FSTL5: variants seen among roughly 807,000 people sequenced by gnomAD.
The protein encoded by FSTL5 is follistatin like 5, also known as follistatin-related protein 5.
Under a neutral mutation model 89.1 loss-of-function variants are expected in FSTL5, and 62 were observed. The ratio of observed to expected loss-of-function variants is 0.70; its 90% CI spans 0.57 to 0.86. FSTL5 has a LOEUF of 0.86. FSTL5 is among the 40% of genes least tolerant of loss of function. The pLI, the probability that FSTL5 is intolerant of heterozygous loss-of-function variation, is 0.00. For synonymous variants in FSTL5, 383 were observed against 346.2 expected (o/e 1.11, Z -1.18); for missense variants, 1,057 against 1,001.6 (o/e 1.06, Z -0.75).
At chr4:162,087,641 C>A (rs905164234) in intron 2 of FSTL5, among the ~76,000 whole-genome samples, 2 of 152,090 alleles carry the variant, frequency 1.3e-5, no homozygotes, top group Non-Finnish European at 1.5e-5. Flanking sequence ...GTGTAATAAG[C>A]ACAAGTTAAA....
chr4:161,692,437 G>A (rs956507171), intron 6 of FSTL5, among the ~76,000 whole-genome samples: 18 of 151,138 alleles, frequency 1.2e-4, no homozygotes, highest in African/African-American at 4.4e-4. Context: ...GCCTTTTATG[G>A]GTTAAATTAT....
intron 6 of FSTL5, among the ~76,000 whole-genome samples, chr4:161,659,013 A>G (rs1386782276): frequency 6.6e-6 from 1 of 152,194 alleles, no homozygotes; most frequent in Non-Finnish European, 1.5e-5. Flanking sequence ...GTTATATATT[A>G]CAATGGTAAT....
At chr4:161,675,006 T>C (rs918354281) in intron 6 of FSTL5, among the ~76,000 whole-genome samples, 1 of 152,074 alleles carries the variant, frequency 6.6e-6, no homozygotes, top group Non-Finnish European at 1.5e-5. Context: ...AATTGAGATA[T>C]CAGTTACAAA....
At chr4:161,614,407 C>T (rs1734766908) in intron 7 of FSTL5, among the ~76,000 whole-genome samples, 1 of 152,040 alleles carries the variant, frequency 6.6e-6, no homozygotes, top group Non-Finnish European at 1.5e-5. Context: ...AAATTGCAGT[C>T]AGTAAATCTT....
At chr4:161,991,528 T>G (rs957101000) in intron 3 of FSTL5, among the ~76,000 whole-genome samples, 4 of 152,218 alleles carry the variant, frequency 2.6e-5, no homozygotes, top group African/African-American at 9.6e-5. Context: ...CAAAATATTC[T>G]AGGGACAGGG....
At chr4:161,874,632 CTT>C (rs1732381296) in intron 4 of FSTL5, among the ~76,000 whole-genome samples, 1 of 140,820 alleles carries the variant, frequency 7.1e-6, no homozygotes, top group South Asian at 2.3e-4. Context: ...ATTTCCATCT[CTT>C]TGTCTGTGCT....
At chr4:162,008,900 A>C (rs1003408703) in intron 3 of FSTL5, among the ~76,000 whole-genome samples, 17 of 152,002 alleles carry the variant, frequency 1.1e-4, no homozygotes, top group Admixed American at 7.9e-4. Context: ...AAATGTAAGA[A>C]TGTTTCTCTA....
At chr4:162,076,939 C>T (rs1390087296) in intron 2 of FSTL5, among the ~76,000 whole-genome samples, 1 of 151,778 alleles carries the variant, frequency 6.6e-6, no homozygotes, top group Admixed American at 6.6e-5. Flanking sequence ...CTTAGGGAAA[C>T]ATGAGTTTCT....
intron 1 of FSTL5, among the ~76,000 whole-genome samples, chr4:162,143,852 T>C (rs1234214876): frequency 6.6e-6 from 1 of 151,120 alleles, no homozygotes; most frequent in Non-Finnish European, 1.5e-5. Flanking sequence ...AAAAAATACC[T>C]TTGCAGAGTT....
At chr4:161,865,509 A>C (rs1732055697) in intron 4 of FSTL5, among the ~76,000 whole-genome samples, 1 of 152,208 alleles carries the variant, frequency 6.6e-6, no homozygotes, top group Admixed American at 6.5e-5. Flanking sequence ...TCATATTCTA[A>C]CCACAGTATG....
At position 161,445,437 on chromosome 4, in the gene FSTL5, T is replaced by C. The variant is rs573315095; in HGVS notation, c.1841+9567A>G. Among the ~76,000 whole-genome samples, 5 of 152,028 alleles carry C rather than the reference T, an allele frequency of 3.3e-5. No individual in the cohort carries two copies. In the East Asian group the frequency reaches 9.7e-4, roughly 29 times the overall value. ...AAATAAAAAATGAATTTTTTAATCTTTTACTTGCATATAGTTAGAAAACTT... is the reference window on the plus strand; with the variant it reads ...AAATAAAAAATGAATTTTTTAATCTCTTACTTGCATATAGTTAGAAAACTT... On this transcript the variant is annotated intron_variant, in intron 15 of 15. Transcript: ENST00000306100.
At chr4:161,601,844 T>G (rs1246195422) in intron 7 of FSTL5, among the ~76,000 whole-genome samples, 1 of 152,106 alleles carries the variant, frequency 6.6e-6, no homozygotes. Flanking sequence ...AAAAGAGGCA[T>G]GCCTACTTCC....
chr4:162,152,495 C>A (rs1231816549), intron 1 of FSTL5, among the ~76,000 whole-genome samples: 1 of 152,010 alleles, frequency 6.6e-6, no homozygotes, highest in Non-Finnish European at 1.5e-5. Context: ...ACTATTATTT[C>A]TTTTGCTTTT....
intron 4 of FSTL5, among the ~76,000 whole-genome samples, chr4:161,882,596 G>A (rs1436044117): frequency 6.6e-6 from 1 of 152,050 alleles, no homozygotes; most frequent in East Asian, 1.9e-4. Flanking sequence ...AAATAACCAT[G>A]ACAAGCTCTT....
At chr4:161,900,026 T>G (rs1010730627) in intron 4 of FSTL5, among the ~76,000 whole-genome samples, 2 of 151,980 alleles carry the variant, frequency 1.3e-5, no homozygotes, top group East Asian at 1.9e-4. Context: ...GAAAACTGTC[T>G]CTACTAAAAA....
In FSTL5 at chr4:161,385,928, G is replaced by A; in HGVS notation, c.2363C>T (p.Ala788Val). The A allele has an allele frequency of 6.2e-7, 1 of 1,613,932 alleles. No homozygotes were observed. The highest frequency in any genetic ancestry group is 8.5e-7 in the Non-Finnish European group (1 of 1,179,942). ...MIKSLKEPLKAEEWPWNRKNR... is the reference protein window; with the variant it reads ...MIKSLKEPLKVEEWPWNRKNR... The stretch of plus-strand genomic sequence containing the variant: ...TTTCCGGTTCCAAGGCCATTCTTCT[G>A]CCTTGAGTGGTTCCTTGAGACTCTT... Residue 788 changes from alanine to valine, a missense_variant, in exon 16 of 16, where the codon GCA becomes GTA. Ala to Val is a moderately conservative substitution (Grantham distance 64). Around this residue, in one of 3 missense-constraint regions of FSTL5, gnomAD observed 68 missense variants for 73.3 expected, o/e 0.93. Transcript: ENST00000306100.
At position 161,664,912 on chromosome 4, in the gene FSTL5, G is replaced by A. The variant is rs10008247; in HGVS notation, c.728-8418C>T. 5.7e-3 allele frequency: 1,078 copies of A among 189,292 alleles called. 13 individuals carry two copies. Among genetic ancestry groups the A allele is most frequent in the African/African-American group, 0.023 (984 of 42,172 alleles). The allele number at this position is 189,292 out of a possible 1,614,324, so 11.7% of individuals were successfully genotyped here. A position where few individuals can be genotyped will look rare whatever the true frequency, so the allele number is the denominator to read the frequency against. Reference sequence around the variant, plus strand: ...GAGAAAATGAGGAAGAAGCAAAAGCGGAAACCCCAGACAAACCCGTCAGAT... The same window carrying A: ...GAGAAAATGAGGAAGAAGCAAAAGCAGAAACCCCAGACAAACCCGTCAGAT... On this transcript the variant is annotated intron_variant, in intron 6 of 15. Transcript: ENST00000306100.
chr4:161,633,635 G>T (rs544141996), intron 7 of FSTL5, among the ~76,000 whole-genome samples: 2 of 151,778 alleles, frequency 1.3e-5, no homozygotes, highest in African/African-American at 4.8e-5. Context: ...GTGAACCACC[G>T]CACCCAGCCT....
At chr4:161,415,776 TATATATATG>T (rs1251582541) in intron 15 of FSTL5, among the ~76,000 whole-genome samples, 13 of 145,504 alleles carry the variant, frequency 8.9e-5, no homozygotes, top group Non-Finnish European at 1.9e-4. Context: ...ATATAGGGGA[TATATATATG>T]ATATATATAC....
Sources: gnomAD v4.1 joint callset for allele counts (sites outside exome capture counted in the v4.1 genomes callset) on GRCh38, gnomAD v4.1.1 for gene constraint, gnomAD v4.1.1 regional missense constraint, MANE v1.5 for transcripts, NCBI Gene and HGNC (gene_info 2026-07-23, HGNC 2026-07-21) for gene names.